Variants in ZC4H2 observed in about 807,000 individuals in gnomAD.
The protein encoded by ZC4H2 is zinc finger C4H2 domain-containing protein.
For synonymous variants in ZC4H2, 84 were observed against 66.3 expected (o/e 1.27, Z -1.30); for missense variants, 137 against 173.9 (o/e 0.79, Z 1.19).
chrX:65,008,349 T>G lies in ZC4H2; in HGVS notation c.-272+26280A>C, dbSNP rs1174457988. ...GAGGATGTGAAGAAAGGAGAACCCCTGTACACAGTTGGTAGAAATGTAAAT... is the reference window on the plus strand; with the variant it reads ...GAGGATGTGAAGAAAGGAGAACCCCGGTACACAGTTGGTAGAAATGTAAAT... On this transcript the variant is annotated intron_variant, in intron 1 of 4. Transcript: ENST00000337990. Among the ~76,000 whole-genome samples, 3 of 111,972 alleles carry G rather than the reference T, an allele frequency of 2.7e-5. No individual in the cohort carries two copies. In the East Asian group the frequency reaches 8.4e-4, roughly 31 times the overall value.
At chrX:64,990,840 C>G (rs1423198927) in intron 1 of ZC4H2, among the ~76,000 whole-genome samples, 2 of 111,556 alleles carry the variant, frequency 1.8e-5, no homozygotes, top group Non-Finnish European at 3.8e-5. Context: ...AACAATATGC[C>G]TTCTCTCCTC....
At chrX:65,006,991 T>C (rs1413268151) in intron 1 of ZC4H2, among the ~76,000 whole-genome samples, 1 of 112,323 alleles carries the variant, frequency 8.9e-6, no homozygotes, top group Non-Finnish European at 1.9e-5. Flanking sequence ...ATTAGTAAAG[T>C]TACATATTTA....
chrX:64,954,177 G>T (rs1249471242), intron 1 of ZC4H2, among the ~76,000 whole-genome samples: 2 of 103,432 alleles, frequency 1.9e-5, no homozygotes, highest in African/African-American at 3.7e-5. Context: ...GTGGGGTTGG[G>T]GGAATTGGGG....
intron 1 of ZC4H2, among the ~76,000 whole-genome samples, chrX:64,988,877 T>A (rs1932249477): frequency 9.0e-6 from 1 of 111,702 alleles, no homozygotes; most frequent in African/African-American, 3.3e-5. Flanking sequence ...AAGTCTTCAA[T>A]CCATCTTGAA....
chrX:64,930,899 C>A (rs1284587480), intron 1 of ZC4H2, among the ~76,000 whole-genome samples: 1 of 111,746 alleles, frequency 8.9e-6, no homozygotes, highest in African/African-American at 3.3e-5. Flanking sequence ...AGGATTTCTT[C>A]TTTTACTGTC....
chrX:64,988,590 T>G (rs1247760167), intron 1 of ZC4H2, among the ~76,000 whole-genome samples: 1 of 111,376 alleles, frequency 9.0e-6, no homozygotes, highest in African/African-American at 3.3e-5. Context: ...TTGTTTTTTT[T>G]TTCTTATAAA....
In ZC4H2 at chrX:64,945,503, T is replaced by G. The variant is rs537073695; in HGVS notation, c.54-23515A>C. 6.5e-4 allele frequency among the ~76,000 whole-genome samples: 72 copies of G among 111,534 alleles called. 1 individual carries two copies. In the East Asian group the frequency reaches 0.018, roughly 28 times the overall value. On this transcript the variant is annotated intron_variant, in intron 1 of 4. Transcript: ENST00000374839. Reference sequence around the variant, plus strand: ...AGATGCCACCCTGACCTCTCCTGTATGCGGTGTCTGTTGACTCCTGCTGGG... The same window carrying G: ...AGATGCCACCCTGACCTCTCCTGTAGGCGGTGTCTGTTGACTCCTGCTGGG...
chrX:64,973,308 G>C (rs1427159004), intron 1 of ZC4H2, among the ~76,000 whole-genome samples: 1 of 108,982 alleles, frequency 9.2e-6, no homozygotes, highest in African/African-American at 3.3e-5. Context: ...ATAATGTTTT[G>C]AGTACATTTC....
At chrX:64,969,677 C>G (rs1451990320) in intron 1 of ZC4H2, among the ~76,000 whole-genome samples, 1 of 111,831 alleles carries the variant, frequency 8.9e-6, no homozygotes, top group Non-Finnish European at 1.9e-5. Context: ...TCTACTGAAT[C>G]AGAGACCCTG....
chrX:64,996,723 G>C (rs1368601359), intron 1 of ZC4H2, among the ~76,000 whole-genome samples: 1 of 111,283 alleles, frequency 9.0e-6, no homozygotes, highest in East Asian at 2.8e-4. Flanking sequence ...GGGTTCAGTA[G>C]AAAATTTGAG....
At chrX:64,942,259 T>C (rs1028464710) in intron 1 of ZC4H2, among the ~76,000 whole-genome samples, 1 of 111,490 alleles carries the variant, frequency 9.0e-6, no homozygotes, top group Admixed American at 9.6e-5. Context: ...TCACTACTTA[T>C]TGTGTCTATT....
intron 1 of ZC4H2, among the ~76,000 whole-genome samples, chrX:64,967,448 C>T (rs546655437): frequency 4.5e-5 from 5 of 112,063 alleles, no homozygotes; most frequent in Middle Eastern, 4.6e-3. Flanking sequence ...CAGAAGTGCG[C>T]TGGTTCTTGT....
At chrX:64,967,159 TAATA>T (rs915537917) in intron 1 of ZC4H2, among the ~76,000 whole-genome samples, 5 of 111,549 alleles carry the variant, frequency 4.5e-5, no homozygotes, top group African/African-American at 1.3e-4. Flanking sequence ...AATGGCTTAA[TAATA>T]AATAAATAAA....
chrX:64,990,523 A>T (rs1454840437), intron 1 of ZC4H2, among the ~76,000 whole-genome samples: 1 of 112,100 alleles, frequency 8.9e-6, no homozygotes. Context: ...AACAGAGTAC[A>T]ATTTACATGA....
At chrX:64,944,064 G>C (rs1291700038) in intron 1 of ZC4H2, among the ~76,000 whole-genome samples, 3 of 110,533 alleles carry the variant, frequency 2.7e-5, no homozygotes, top group Non-Finnish European at 5.7e-5. Flanking sequence ...TGTCTGTAAA[G>C]GATTTTCTTT....
intron 1 of ZC4H2, among the ~76,000 whole-genome samples, chrX:64,928,684 C>CTT (rs1236231374): frequency 6.6e-4 from 65 of 99,025 alleles, no homozygotes; most frequent in African/African-American, 1.7e-3. Context: ...TCTTCTTCTT[C>CTT]CTCCTCCTCT....
chrX:64,991,689 T>C lies in ZC4H2; in HGVS notation c.-272+42940A>G, dbSNP rs190147390. On this transcript the variant is annotated intron_variant, in intron 1 of 4. Coordinates refer to the ZC4H2 transcript ENST00000337990. ...CTCCTAGGTATATACCCAAGAGAAATAAAAACATATATCCACAGAAAAACT... is the reference window on the plus strand; with the variant it reads ...CTCCTAGGTATATACCCAAGAGAAACAAAAACATATATCCACAGAAAAACT... Among the ~76,000 whole-genome samples the C allele has an allele frequency of 4.5e-3, 501 of 111,787 alleles. 1 individual carries two copies. The highest frequency in any genetic ancestry group is 8.2e-3 in the Non-Finnish European group (435 of 53,140).
chrX:65,010,165 T>G (rs757331225), intron 1 of ZC4H2, among the ~76,000 whole-genome samples: 1 of 112,597 alleles, frequency 8.9e-6, no homozygotes, highest in South Asian at 3.7e-4. Context: ...AGTTTCTCTT[T>G]TGGTCTTTTT....
intron 1 of ZC4H2, among the ~76,000 whole-genome samples, chrX:64,967,015 C>T (rs774252624): frequency 1.8e-5 from 2 of 111,304 alleles, no homozygotes; most frequent in Admixed American, 1.9e-4. Context: ...CCTACAACTC[C>T]CACTAAACAT....
Sources: allele counts gnomAD v4.1 joint callset (sites outside exome capture counted in the v4.1 genomes callset), GRCh38; gene constraint gnomAD v4.1.1; transcripts MANE v1.5; gene names NCBI Gene and HGNC (gene_info 2026-07-23, HGNC 2026-07-21).